Variants in C4orf51 observed in about 807,000 individuals in gnomAD.
The protein encoded by C4orf51 is chromosome 4 open reading frame 51.
In C4orf51, 25 loss-of-function variants were observed where a neutral mutation model predicts 25.2. The observed-to-expected ratio is 0.99, with a 90% CI of 0.72 to 1.39. The LOEUF is 1.39. C4orf51 is among the 40% of genes most tolerant of loss of function. C4orf51 has a pLI of 0.00. For synonymous variants in C4orf51, 100 were observed against 84.5 expected, an observed-to-expected ratio of 1.18 and a Z score of -1.01; for missense variants, 252 against 239.6, an observed-to-expected ratio of 1.05 and a Z score of -0.34.
intron 2 of C4orf51, among the ~76,000 whole-genome samples, chr4:145,715,575 C>G (rs980511116): frequency 5.9e-5 from 9 of 152,132 alleles, no homozygotes; most frequent in African/African-American, 2.2e-4. Flanking sequence ...AGTTTTTACC[C>G]CACTAATGTG....
chr4:145,742,532 GTTTTTTT>G (rs141147414), intron 1 of C4orf51, among the ~76,000 whole-genome samples: 2 of 104,986 alleles, frequency 1.9e-5, no homozygotes, highest in Non-Finnish European at 3.8e-5. Context: ...TCTTTTTCTT[GTTTTTTT>G]TTTTTTTTTT....
the C4orf51 span, chr4:145,776,058 T>C: frequency 7.3e-7 from 1 of 1,367,844 alleles, no homozygotes; most frequent in Non-Finnish European, 1.0e-6. Flanking sequence ...GAAAGAATGG[T>C]TCAAGTCATA....
At chr4:145,725,665 TAAAG>T (rs1307750096) in intron 2 of C4orf51, among the ~76,000 whole-genome samples, 1 of 152,110 alleles carries the variant, frequency 6.6e-6, no homozygotes, top group Non-Finnish European at 1.5e-5. Flanking sequence ...TGTGTTAAGT[TAAAG>T]AAGTCAGACA....
At chr4:145,681,672 G>A (rs563751473) in intron 1 of C4orf51, among the ~76,000 whole-genome samples, 72 of 152,286 alleles carry the variant, frequency 4.7e-4, no homozygotes, top group African/African-American at 1.7e-3. Context: ...AGAACATGGT[G>A]CCAGCATCTG....
chr4:145,787,387 C>T, the C4orf51 span, among the ~76,000 whole-genome samples: 1 of 149,632 alleles, frequency 6.7e-6, no homozygotes, highest in Non-Finnish European at 1.5e-5. Flanking sequence ...CGCTTGAACC[C>T]GGAGGTAGAG....
chr4:145,748,660 G>A (rs2126806136), intron 1 of C4orf51, among the ~76,000 whole-genome samples: 1 of 152,100 alleles, frequency 6.6e-6, no homozygotes, highest in East Asian at 1.9e-4. Flanking sequence ...GAAACATATT[G>A]TTTGATTTCT....
the C4orf51 span, among the ~76,000 whole-genome samples, chr4:145,785,201 C>T: frequency 6.6e-6 from 1 of 152,182 alleles, no homozygotes; most frequent in African/African-American, 2.4e-5. Flanking sequence ...TCAGCTCCTC[C>T]TGTTAATGGT....
chr4:145,758,536 C>T (rs973562903), downstream of C4orf51: 1 of 152,200 alleles, frequency 6.6e-6, no homozygotes, highest in Non-Finnish European at 1.5e-5. Context: ...ACATTATTAG[C>T]CAAGTGGCAC....
At chr4:145,760,347 CA>C (rs1734314445) in intron 1 of C4orf51, 1 of 152,340 alleles carries the variant, frequency 6.6e-6, no homozygotes, top group Admixed American at 6.5e-5. Flanking sequence ...TCAGAATCCA[CA>C]AACGCCCACA....
chr4:145,721,043 A>G (rs1341078392), intron 2 of C4orf51, among the ~76,000 whole-genome samples: 1 of 152,104 alleles, frequency 6.6e-6, no homozygotes, highest in Non-Finnish European at 1.5e-5. Flanking sequence ...CATTTCTTTT[A>G]AACTACAGGA....
At chr4:145,754,972 C>T (rs1306387041), downstream of C4orf51, among the ~76,000 whole-genome samples, 1 of 151,992 alleles carries the variant, frequency 6.6e-6, no homozygotes, top group East Asian at 1.9e-4. Flanking sequence ...TTTAGATCTC[C>T]CAACCTTTGA....
the C4orf51 span, among the ~76,000 whole-genome samples, chr4:145,784,453 C>CTT: frequency 6.6e-6 from 1 of 152,188 alleles, no homozygotes; most frequent in South Asian, 2.1e-4. Context: ...TTTTGACAGG[C>CTT]TTTAATTCCC....
downstream of C4orf51, among the ~76,000 whole-genome samples, chr4:145,754,671 G>A (rs1053192351): frequency 6.6e-6 from 1 of 152,164 alleles, no homozygotes; most frequent in South Asian, 2.1e-4. Flanking sequence ...GCAGTGGCTC[G>A]CGCCTGTAAT....
At chr4:145,732,813 T>G, downstream of C4orf51, 6 of 305,564 alleles carry the variant, frequency 2.0e-5, no homozygotes, top group East Asian at 6.4e-5. Context: ...GGGACCACAT[T>G]TCTCTGCTAG....
At chr4:145,788,341 A>G in the C4orf51 span, among the ~76,000 whole-genome samples, 12 of 152,324 alleles carry the variant, frequency 7.9e-5, no homozygotes, top group Admixed American at 6.5e-4. Flanking sequence ...CCCTAATTCC[A>G]GTGAGGCTGA....
the C4orf51 span, chr4:145,779,558 A>G: frequency 5.6e-6 from 9 of 1,593,246 alleles, no homozygotes; most frequent in South Asian, 1.0e-4. Context: ...CAACAAGAAT[A>G]CATTTTCTGT....
At chr4:145,686,703 C>G (rs1272861337) in intron 1 of C4orf51, among the ~76,000 whole-genome samples, 1 of 152,160 alleles carries the variant, frequency 6.6e-6, no homozygotes, top group Non-Finnish European at 1.5e-5. Context: ...ACTCCCACCC[C>G]CTTGATAGTC....
the C4orf51 span, among the ~76,000 whole-genome samples, chr4:145,788,682 G>A: frequency 1.3e-5 from 2 of 152,126 alleles, no homozygotes; most frequent in Admixed American, 6.5e-5. Flanking sequence ...ATTGATTCAG[G>A]AATCATGTCT....
chr4:145,741,933 T>G (rs1376798525), intron 1 of C4orf51, among the ~76,000 whole-genome samples: 2 of 152,144 alleles, frequency 1.3e-5, no homozygotes, highest in African/African-American at 2.4e-5. Context: ...ACTCCTGACT[T>G]CAAGTGATCC....
Sources: allele counts gnomAD v4.1 joint callset (sites outside exome capture counted in the v4.1 genomes callset), GRCh38; gene constraint gnomAD v4.1.1; transcripts MANE v1.5; gene names NCBI Gene and HGNC (gene_info 2026-07-23, HGNC 2026-07-21).